Variants in PPP2R2C observed in about 807,000 individuals in gnomAD.
The protein encoded by PPP2R2C is protein phosphatase 2, regulatory subunit B, gamma.
In PPP2R2C, 10 loss-of-function variants were observed where a neutral mutation model predicts 45.3. That is an observed-to-expected ratio of 0.22 (90% CI 0.14 to 0.37). PPP2R2C has a LOEUF of 0.37. PPP2R2C is among the 10% of genes least tolerant of loss of function. PPP2R2C has a pLI of 1.00. For missense variants in PPP2R2C, 308 were observed against 619.7 expected (o/e 0.50, Z 5.34); for synonymous variants, 257 against 245.4 (o/e 1.05, Z -0.44).
At chr4:6,510,971 C>G (rs537425304) in intron 2 of PPP2R2C, among the ~76,000 whole-genome samples, 2 of 119,984 alleles carry the variant, frequency 1.7e-5, no homozygotes, top group Non-Finnish European at 3.3e-5. Flanking sequence ...AGTGAGACTC[C>G]GTCTCAAACA....
At chr4:6,482,212 T>C (rs1016641903) in intron 2 of PPP2R2C, among the ~76,000 whole-genome samples, 1 of 152,244 alleles carries the variant, frequency 6.6e-6, no homozygotes, top group African/African-American at 2.4e-5. Flanking sequence ...GAAGTTAATA[T>C]GTGCCAGCTA....
At chr4:6,419,007 C>G (rs780288895) in intron 1 of PPP2R2C, among the ~76,000 whole-genome samples, 5 of 152,208 alleles carry the variant, frequency 3.3e-5, no homozygotes, top group Admixed American at 6.5e-5. Context: ...CGGAGGAAAC[C>G]GTGCCCACTC....
chr4:6,337,447 G>A (rs1341859412), intron 6 of PPP2R2C, among the ~76,000 whole-genome samples: 5 of 152,070 alleles, frequency 3.3e-5, no homozygotes, highest in African/African-American at 1.2e-4. Context: ...AACCCTGTCT[G>A]GCCTGAACTA....
intron 1 of PPP2R2C, among the ~76,000 whole-genome samples, chr4:6,422,598 A>G (rs13116164): frequency 0.31 from 46,549 of 152,080 alleles, 7,819 homozygotes; most frequent in Admixed American, 0.43. Flanking sequence ...TTTCTTCTGA[A>G]GCCTCTCTCC....
chr4:6,484,924 T>A (rs1448799635), intron 2 of PPP2R2C, among the ~76,000 whole-genome samples: 1 of 151,900 alleles, frequency 6.6e-6, no homozygotes, highest in Non-Finnish European at 1.5e-5. Flanking sequence ...TTTCTCTTTC[T>A]TGCTTTATTG....
chr4:6,417,946 A>T (rs922191825), intron 1 of PPP2R2C, among the ~76,000 whole-genome samples: 22 of 150,862 alleles, frequency 1.5e-4, no homozygotes, highest in African/African-American at 4.9e-4. Flanking sequence ...GCTCTGGCAG[A>T]TGTGGCCTGA....
At chr4:6,417,819 G>A (rs1718695734) in intron 1 of PPP2R2C, among the ~76,000 whole-genome samples, 1 of 152,230 alleles carries the variant, frequency 6.6e-6, no homozygotes. Context: ...GCTCATTCCA[G>A]ACACCCAGAG....
At chr4:6,357,143 G>A (rs1380133391) in intron 5 of PPP2R2C, among the ~76,000 whole-genome samples, 2 of 149,776 alleles carry the variant, frequency 1.3e-5, no homozygotes, top group Admixed American at 6.6e-5. Context: ...GTGGCACCTC[G>A]GGTCAGTCTC....
intron 1 of PPP2R2C, among the ~76,000 whole-genome samples, chr4:6,413,290 T>C (rs1237947297): frequency 2.6e-5 from 4 of 152,202 alleles, no homozygotes; most frequent in Non-Finnish European, 5.9e-5. Context: ...CTTACACATA[T>C]GCATGGACAC....
chr4:6,517,236 A>G (rs1723853234), intron 2 of PPP2R2C, among the ~76,000 whole-genome samples: 1 of 152,126 alleles, frequency 6.6e-6, no homozygotes, highest in Non-Finnish European at 1.5e-5. Flanking sequence ...CCCCAGAACC[A>G]CACCTTGCCC....
chr4:6,380,885 T>G (rs1715728571), intron 2 of PPP2R2C, 112 bp downstream of exon 2: 10 of 1,415,074 alleles, frequency 7.1e-6, no homozygotes, highest in Non-Finnish European at 9.3e-6. Context: ...CTCCCACCTC[T>G]CACCGCATCA....
intron 2 of PPP2R2C, among the ~76,000 whole-genome samples, chr4:6,508,905 G>A (rs545967772): frequency 5.3e-4 from 81 of 152,276 alleles, no homozygotes; most frequent in African/African-American, 1.8e-3. Flanking sequence ...GCATGCCAAC[G>A]TATAAAACCC....
In PPP2R2C at chr4:6,345,946, G is replaced by A. The variant is rs923235821; in HGVS notation, c.790+1900C>T. The stretch of plus-strand genomic sequence containing the variant: ...GACCCATTTCCTTGGAACCCAATAC[G>A]GGCCTCAGGCTCGCGGGTCTGAAAC... On this transcript the variant is annotated intron_variant, in intron 6 of 8. Coordinates refer to ENST00000382599, the MANE Select transcript of PPP2R2C (RefSeq NM_020416.4). This position sits in a 1 kb window ranked among gnomAD's most constrained non-coding sequence, Gnocchi z 5.3. 1.1e-4 allele frequency among the ~76,000 whole-genome samples: 16 copies of A among 152,172 alleles called. No homozygotes were observed. Among genetic ancestry groups the A allele is most frequent in the Middle Eastern group, 3.4e-3 (1 of 294 alleles).
chr4:6,527,733 C>A (rs79040403), intron 2 of PPP2R2C, among the ~76,000 whole-genome samples: 14,927 of 152,154 alleles, frequency 0.098, 829 homozygotes, highest in Middle Eastern at 0.18. Context: ...AATATGGGGC[C>A]CCAGCCGGGA....
chr4:6,339,462 C>A (rs1475040515), intron 6 of PPP2R2C, among the ~76,000 whole-genome samples: 2 of 152,268 alleles, frequency 1.3e-5, no homozygotes, highest in African/African-American at 4.8e-5. Context: ...GGCAGAGAAG[C>A]CTCAGCCAGC....
rs57209185 is a variant in PPP2R2C, at chr4:6,408,873, CTTTTTTT to C, written c.71-27786_71-27780del. On this transcript the variant is annotated intron_variant, in intron 1 of 8. Transcript: ENST00000382599. ...AGAGGGCCTCTCAAGGATCCTGTGG[CTTTTTTT>C]TTTTTTTTTTTAGGATTACAGATAT... Among the ~76,000 whole-genome samples the C allele has an allele frequency of 3.2e-5, 4 of 126,764 alleles. No homozygotes were observed. In the East Asian group the frequency reaches 9.4e-4, roughly 30 times the overall value. The allele number at this position is 126,764 out of a possible 152,430, so 83.2% of individuals were successfully genotyped here. A position where few individuals can be genotyped will look rare whatever the true frequency, so the allele number is the denominator to read the frequency against.
At chr4:6,366,844 C>T (rs565028205) in intron 5 of PPP2R2C, among the ~76,000 whole-genome samples, 1 of 152,232 alleles carries the variant, frequency 6.6e-6, no homozygotes, top group Non-Finnish European at 1.5e-5. Context: ...ACCAAAGGCA[C>T]AGGGCACTGT....
At position 6,359,433 on chromosome 4, in the gene PPP2R2C, A is replaced by G. The variant is rs543979961; in HGVS notation, c.626-11423T>C. ...TGGGTGCAGCACACCAACATGGCAC[A>G]TGTATACCTATGTAACAAACATGCA... On this transcript the variant is annotated intron_variant, in intron 5 of 8. Transcript: ENST00000382599. 1.7e-3 allele frequency among the ~76,000 whole-genome samples: 258 copies of G among 152,312 alleles called. 3 individuals carry two copies. The highest frequency in any genetic ancestry group is 6.0e-3 in the African/African-American group (249 of 41,570).
At position 6,368,233 on chromosome 4, in the gene PPP2R2C, C is replaced by A. The variant is rs1185508373; in HGVS notation, c.625+4290G>T. Among the ~76,000 whole-genome samples, 1 of 152,198 alleles carries A rather than the reference C, an allele frequency of 6.6e-6. No individual in the cohort carries two copies. The highest frequency in any genetic ancestry group is 2.1e-4 in the South Asian group (1 of 4,824). Reference sequence around the variant, plus strand: ...TGTCTACATCCTCACTTGGCAAAAACCACACCCCTGGCTTACCCTCCACCG... The same window carrying A: ...TGTCTACATCCTCACTTGGCAAAAAACACACCCCTGGCTTACCCTCCACCG... On this transcript the variant is annotated intron_variant, in intron 5 of 8. Transcript: ENST00000382599. The surrounding 1 kb of genome is among the most constrained non-coding windows in gnomAD (Gnocchi z 4.2).
Sources: gnomAD v4.1 joint callset for allele counts (sites outside exome capture counted in the v4.1 genomes callset) on GRCh38, gnomAD v4.1.1 for gene constraint, Gnocchi (gnomAD v3.1) non-coding constraint, MANE v1.5 for transcripts, NCBI Gene and HGNC (gene_info 2026-07-23, HGNC 2026-07-21) for gene names.